The following EMILIN2 variants were observed in gnomAD, a reference collection of about 807,000 sequenced individuals.
EMILIN2 encodes EMILIN-2.
Under a neutral mutation model 87.1 loss-of-function variants are expected in EMILIN2, and 71 were observed. The ratio of observed to expected loss-of-function variants is 0.82; its 90% CI spans 0.67 to 0.99. EMILIN2 has a LOEUF of 0.99. Among genes scored for constraint, EMILIN2 ranks in the 50% least tolerant of loss-of-function variants. EMILIN2 has a pLI of 0.00. For synonymous variants in EMILIN2, 581 were observed against 563.4 expected (o/e 1.03, Z -0.44); for missense variants, 1,407 against 1,371.8 (o/e 1.03, Z -0.40).
intron 2 of EMILIN2, among the ~76,000 whole-genome samples, chr18:2,868,429 T>C (rs1172674375): frequency 6.6e-6 from 1 of 152,202 alleles, no homozygotes; most frequent in Non-Finnish European, 1.5e-5. Flanking sequence ...TCTCGGCTCT[T>C]TGGGAGGCCA....
chr18:2,892,833 C>T (rs908419566), intron 4 of EMILIN2, among the ~76,000 whole-genome samples: 1 of 149,060 alleles, frequency 6.7e-6, no homozygotes, highest in African/African-American at 2.5e-5. Context: ...GGGTGGATCA[C>T]CTGAGGTCAG....
intron 2 of EMILIN2, among the ~76,000 whole-genome samples, chr18:2,883,318 G>A (rs538635388): frequency 1.1e-4 from 16 of 152,206 alleles, no homozygotes; most frequent in Non-Finnish European, 2.1e-4. Context: ...GGAGGGAGTT[G>A]CTTTGCTGGG....
intron 3 of EMILIN2, among the ~76,000 whole-genome samples, chr18:2,886,500 T>C (rs193076190): frequency 3.9e-4 from 59 of 152,312 alleles, no homozygotes; most frequent in Middle Eastern, 6.8e-3. Context: ...GATGAATCTT[T>C]TGGAATTTAC....
At chr18:2,907,189 G>A (rs981792674) in intron 5 of EMILIN2, 104 bp downstream of exon 5, 12 of 1,149,662 alleles carry the variant, frequency 1.0e-5, no homozygotes, top group East Asian at 3.3e-5. Context: ...TCCAGCCTTC[G>A]GGGGGGCAAG....
intron 2 of EMILIN2, among the ~76,000 whole-genome samples, chr18:2,849,332 G>T (rs1178530822): frequency 6.6e-6 from 1 of 152,216 alleles, no homozygotes; most frequent in Non-Finnish European, 1.5e-5. Context: ...TCTTATACAA[G>T]AACTGCATGG....
At chr18:2,856,998 A>T (rs746265197) in intron 2 of EMILIN2, among the ~76,000 whole-genome samples, 11 of 152,222 alleles carry the variant, frequency 7.2e-5, no homozygotes, top group Non-Finnish European at 1.2e-4. Flanking sequence ...AGTAGGGAGC[A>T]TTCAAATGAG....
intron 4 of EMILIN2, among the ~76,000 whole-genome samples, chr18:2,902,936 G>A (rs1276406660): frequency 6.6e-6 from 1 of 152,114 alleles, no homozygotes; most frequent in Non-Finnish European, 1.5e-5. Context: ...GATTTGACGG[G>A]TTGGTGAGGA....
intron 2 of EMILIN2, among the ~76,000 whole-genome samples, chr18:2,865,946 G>A (rs1454257522): frequency 6.6e-6 from 1 of 152,240 alleles, no homozygotes; most frequent in Non-Finnish European, 1.5e-5. Flanking sequence ...CCACCTTGCA[G>A]TTTGATCTCA....
At chr18:2,851,030 G>T (rs1256193575) in intron 2 of EMILIN2, among the ~76,000 whole-genome samples, 1 of 151,102 alleles carries the variant, frequency 6.6e-6, no homozygotes, top group Non-Finnish European at 1.5e-5. Context: ...GATTGAGGGA[G>T]TGAGTCATGA....
At chr18:2,878,471 CAG>C (rs1203587620) in intron 2 of EMILIN2, among the ~76,000 whole-genome samples, 1 of 149,350 alleles carries the variant, frequency 6.7e-6, no homozygotes, top group Non-Finnish European at 1.5e-5. Flanking sequence ...GCCTGGGCAA[CAG>C]AGTGAGACTC....
chr18:2,898,219 TG>T lies in EMILIN2; in HGVS notation c.2359+5738del, dbSNP rs149781572. On this transcript the variant is annotated intron_variant, in intron 4 of 7. Coordinates refer to ENST00000254528, the MANE Select transcript of EMILIN2 (RefSeq NM_032048.3). ...AATTACTCACAGGTATCCCCACAAG[TG>T]GGGGTGTGTCCTGGCCACAGGGTCT... 1.2e-3 allele frequency among the ~76,000 whole-genome samples: 188 copies of T among 152,296 alleles called. 2 individuals carry two copies. The South Asian group carries it at 0.035, about 29-fold the overall frequency.
At chr18:2,911,192 G>A (rs1433336813) in intron 7 of EMILIN2, among the ~76,000 whole-genome samples, 2 of 152,210 alleles carry the variant, frequency 1.3e-5, no homozygotes, top group African/African-American at 2.4e-5. Context: ...GGTGACTTGG[G>A]GTCTTATACA....
At chr18:2,849,910 CTTTTTTG>C (rs151092784) in intron 2 of EMILIN2, among the ~76,000 whole-genome samples, 10,040 of 151,696 alleles carry the variant, frequency 0.066, 1,015 homozygotes, top group African/African-American at 0.22. Flanking sequence ...CCTAAGATTT[CTTTTTTG>C]TTTTTTGTTT....
chr18:2,865,627 G>C (rs2076682724), intron 2 of EMILIN2, among the ~76,000 whole-genome samples: 1 of 152,214 alleles, frequency 6.6e-6, no homozygotes, highest in South Asian at 2.1e-4. Context: ...CCTACTGGGG[G>C]GTGCCTCCCA....
chr18:2,876,744 A>T (rs554430628), intron 2 of EMILIN2, among the ~76,000 whole-genome samples: 2 of 152,226 alleles, frequency 1.3e-5, no homozygotes, highest in Non-Finnish European at 2.9e-5. Flanking sequence ...CCAGCCTGGG[A>T]GACAGAGTGA....
chr18:2,867,099 G>A (rs768157910), intron 2 of EMILIN2, among the ~76,000 whole-genome samples: 3 of 152,096 alleles, frequency 2.0e-5, no homozygotes, highest in Non-Finnish European at 4.4e-5. Context: ...TGGTTAGCTA[G>A]TATTTTGTTA....
chr18:2,902,756 A>G (rs1210042002), intron 4 of EMILIN2, among the ~76,000 whole-genome samples: 1 of 152,182 alleles, frequency 6.6e-6, no homozygotes, highest in Non-Finnish European at 1.5e-5. Flanking sequence ...CATTCTGGAA[A>G]AGGTGTGAAT....
chr18:2,858,579 G>GTATATATATATATATATATA (rs1173565497), intron 2 of EMILIN2, among the ~76,000 whole-genome samples: 5 of 62,418 alleles, frequency 8.0e-5, no homozygotes, highest in South Asian at 6.2e-4. Context: ...ATGTGTGTGT[G>GTATATATATATATATATATA]TGTGTATATA....
At position 2,891,484 on chromosome 18, in the gene EMILIN2, C is replaced by T. The variant is rs1198804623; in HGVS notation, c.1357C>T (p.Leu453Phe). The T allele has an allele frequency of 1.9e-6, 3 of 1,614,178 alleles. No homozygotes were observed. Among genetic ancestry groups the T allele is most frequent in the African/African-American group, 2.7e-5 (2 of 75,032 alleles). ...GGATTTTGATGCAAAATGGAATGAA[C>T]TCGATGCAAGGATCAATGTGACGGA... ...DVDFDAKWNE[L>F]DARINVTEKN... Residue 453 changes from leucine (L) to phenylalanine (F), a missense_variant, in exon 4 of 8, where the codon CTC (leucine) becomes TTC (phenylalanine). Physicochemically the swap from Leu to Phe is conservative, Grantham distance 22. Transcript: ENST00000254528. The surrounding 1 kb of genome is among the most constrained non-coding windows in gnomAD (Gnocchi z 4.6).
Sources: gnomAD v4.1 joint callset for allele counts (sites outside exome capture counted in the v4.1 genomes callset) on GRCh38, gnomAD v4.1.1 for gene constraint, Gnocchi (gnomAD v3.1) non-coding constraint, MANE v1.5 for transcripts, NCBI Gene and HGNC (gene_info 2026-07-23, HGNC 2026-07-21) for gene names.